Variants in MAP2K4 observed in about 807,000 individuals in gnomAD.
MAP2K4 encodes the protein mitogen-activated protein kinase kinase 4.
In MAP2K4, 4 loss-of-function variants were observed where a neutral mutation model predicts 48.5. The observed-to-expected ratio is 0.08, with a 90% CI of 0.04 to 0.19. MAP2K4 has a LOEUF of 0.19. Ranked by LOEUF, MAP2K4 falls within the 10% of genes least tolerant of loss-of-function variation. The pLI, the probability that MAP2K4 is intolerant of heterozygous loss-of-function variation, is 1.00. For missense variants in MAP2K4, 258 were observed against 493.3 expected, an observed-to-expected ratio of 0.52 and a Z score of 4.52; for synonymous variants, 166 against 173.1, an observed-to-expected ratio of 0.96 and a Z score of 0.32.
At position 12,111,523 on chromosome 17, in the gene MAP2K4, A is replaced by G. The variant is rs561350628; in HGVS notation, c.685+1097A>G. Among the ~76,000 whole-genome samples the G allele has an allele frequency of 4.2e-5, 6 of 143,884 alleles. No individual in the cohort carries two copies. The East Asian group carries it at 1.0e-3, about 24-fold the overall frequency. The allele number at this position is 143,884 out of a possible 152,430, so 94.4% of individuals were successfully genotyped here. ...TCTTTGTTAGCTGTGTTCTATAATT[A>G]TGAGAGTAGCACCTTTGAGGCATTT... On this transcript the variant is annotated intron_variant, in intron 6 of 10. Transcript: ENST00000353533.
intron 4 of MAP2K4, among the ~76,000 whole-genome samples, chr17:12,103,669 T>C (rs1972014187): frequency 6.6e-6 from 1 of 152,138 alleles, no homozygotes; most frequent in African/African-American, 2.4e-5. Context: ...CTTTAACTTG[T>C]TTGTTTAGGT....
chr17:12,026,991 C>T (rs557593248), intron 1 of MAP2K4: 26 of 152,274 alleles, frequency 1.7e-4, no homozygotes, highest in African/African-American at 6.0e-4. Flanking sequence ...CCTTTTAACA[C>T]TATATATAAA....
chr17:12,102,640 G>A (rs1971971428), intron 4 of MAP2K4, among the ~76,000 whole-genome samples: 1 of 152,030 alleles, frequency 6.6e-6, no homozygotes, highest in Middle Eastern at 3.2e-3. Context: ...TACCAATGAA[G>A]CCACTTGAAC....
chr17:12,095,446 A>G (rs994681742), intron 3 of MAP2K4, 129 bp from the exon 4 acceptor site: 2 of 908,482 alleles, frequency 2.2e-6, no homozygotes, highest in African/African-American at 3.3e-5. Flanking sequence ...TAATTTTCAT[A>G]TCTGGTATTT....
intron 2 of MAP2K4, among the ~76,000 whole-genome samples, chr17:12,067,519 T>A (rs193112803): frequency 6.6e-6 from 1 of 152,318 alleles, no homozygotes; most frequent in Non-Finnish European, 1.5e-5. Flanking sequence ...TTAGGACCAC[T>A]GGTACAGCGG....
rs574837642 is a variant in MAP2K4, at chr17:12,093,211, A to G, written c.394-2364A>G. Among the ~76,000 whole-genome samples, 12 of 152,300 alleles carry G rather than the reference A, an allele frequency of 7.9e-5. No homozygotes were observed. In the East Asian group the frequency reaches 1.7e-3, roughly 22 times the overall value. On this transcript the variant is annotated intron_variant, in intron 3 of 10. Transcript: ENST00000353533. ...AGGCCATTCAGCTGCTCTGTGTTCT[A>G]TTTTGTACTAAAGTGACATTAAAGA...
chr17:12,062,729 C>T (rs566180099), intron 2 of MAP2K4, among the ~76,000 whole-genome samples: 5 of 152,202 alleles, frequency 3.3e-5, no homozygotes, highest in Non-Finnish European at 5.9e-5. Context: ...GTTTGTATTT[C>T]GACAATGTTT....
At chr17:12,048,532 A>G (rs1205658002) in intron 1 of MAP2K4, among the ~76,000 whole-genome samples, 1 of 152,182 alleles carries the variant, frequency 6.6e-6, no homozygotes, top group Non-Finnish European at 1.5e-5. Context: ...TTATGTATCA[A>G]AGATTGCCAG....
chr17:12,045,568 T>C (rs1969935235), intron 1 of MAP2K4, among the ~76,000 whole-genome samples: 2 of 152,236 alleles, frequency 1.3e-5, no homozygotes, highest in Admixed American at 1.3e-4. Context: ...CCTTATTCCA[T>C]TAGTAAGATT....
chr17:12,110,292 G>A (rs1001977246), intron 5 of MAP2K4, 83 bp from the exon 6 acceptor site: 7 of 911,690 alleles, frequency 7.7e-6, no homozygotes, highest in African/African-American at 3.3e-5. Context: ...AGGACTACAC[G>A]GGATATTACT....
chr17:12,133,006 T>G (rs1046866799), intron 9 of MAP2K4, among the ~76,000 whole-genome samples: 4 of 152,184 alleles, frequency 2.6e-5, no homozygotes, highest in African/African-American at 4.8e-5. Flanking sequence ...AAAGTTTTTT[T>G]GGGGAAAAAA....
intron 1 of MAP2K4, among the ~76,000 whole-genome samples, chr17:12,029,684 A>T (rs560994650): frequency 7.2e-5 from 11 of 152,256 alleles, no homozygotes; most frequent in African/African-American, 2.6e-4. Context: ...CATGCCTATA[A>T]TCCCATAACT....
intron 4 of MAP2K4, among the ~76,000 whole-genome samples, chr17:12,100,522 A>G (rs1016933563): frequency 2.0e-5 from 3 of 152,108 alleles, no homozygotes; most frequent in Admixed American, 6.5e-5. Flanking sequence ...AGTTGCTTTG[A>G]GCATTTATGT....
intron 1 of MAP2K4, among the ~76,000 whole-genome samples, chr17:12,030,900 G>A (rs536749929): frequency 2.0e-5 from 3 of 152,234 alleles, no homozygotes; most frequent in Non-Finnish European, 4.4e-5. Context: ...AGTGGGATGC[G>A]GGGAAGACTT....
chr17:12,089,534 T>C (rs1971493896), intron 3 of MAP2K4, among the ~76,000 whole-genome samples: 1 of 152,216 alleles, frequency 6.6e-6, no homozygotes, highest in South Asian at 2.1e-4. Flanking sequence ...CTGAGTTTCA[T>C]TGTGTCTGAG....
At chr17:12,110,025 G>A (rs1972251767) in intron 5 of MAP2K4, among the ~76,000 whole-genome samples, 1 of 151,756 alleles carries the variant, frequency 6.6e-6, no homozygotes, top group African/African-American at 2.4e-5. Context: ...GGCAGGCTGT[G>A]GTGGGAGCGA....
At chr17:12,137,350 G>A (rs1215050922) in intron 9 of MAP2K4, among the ~76,000 whole-genome samples, 1 of 152,172 alleles carries the variant, frequency 6.6e-6, no homozygotes, top group Non-Finnish European at 1.5e-5. Context: ...GAAATTGTCT[G>A]AAATATGCTG....
At chr17:12,082,748 A>T (rs1971233399) in intron 3 of MAP2K4, among the ~76,000 whole-genome samples, 2 of 152,196 alleles carry the variant, frequency 1.3e-5, no homozygotes, top group Non-Finnish European at 2.9e-5. Context: ...CTGTATTTTT[A>T]AAATGTGGTG....
At chr17:12,045,204 A>C (rs547604766) in intron 1 of MAP2K4, among the ~76,000 whole-genome samples, 1 of 152,108 alleles carries the variant, frequency 6.6e-6, no homozygotes, top group Non-Finnish European at 1.5e-5. Flanking sequence ...TCATATGCAC[A>C]TATAAAAAAG....
Sources: gnomAD v4.1 joint callset for allele counts (sites outside exome capture counted in the v4.1 genomes callset) on GRCh38, gnomAD v4.1.1 for gene constraint, MANE v1.5 for transcripts, NCBI Gene and HGNC (gene_info 2026-07-23, HGNC 2026-07-21) for gene names.